Variants in CLTC observed in about 807,000 individuals in gnomAD.
CLTC encodes the protein clathrin heavy chain 1.
Under a neutral mutation model 195.8 loss-of-function variants are expected in CLTC, and 16 were observed. The observed-to-expected ratio is 0.08, with a 90% CI of 0.06 to 0.12. The LOEUF (loss-of-function observed/expected upper bound fraction) is 0.12. Among genes scored for constraint, CLTC ranks in the 10% least tolerant of loss-of-function variants. CLTC has a pLI of 1.00. For synonymous variants in CLTC, 667 were observed against 689.4 expected (o/e 0.97, Z 0.51); for missense variants, 796 against 2,027.0 (o/e 0.39, Z 11.66).
At chr17:59,651,406 T>A in intron 5 of CLTC, 90 bp downstream of exon 5, 1 of 866,608 alleles carries the variant, frequency 1.2e-6, no homozygotes, top group Non-Finnish European at 1.9e-6. Flanking sequence ...ATAATTTAAG[T>A]GATGCTTAAA....
intron 30 of CLTC, chr17:59,690,429 T>C (rs182011778): frequency 8.9e-6 from 4 of 447,630 alleles, no homozygotes; most frequent in African/African-American, 6.1e-5. Flanking sequence ...GAATCCCTCC[T>C]TCCTGAGGGT....
intron 1 of CLTC, 50 bp downstream of exon 1, chr17:59,620,223 G>C: frequency 6.2e-7 from 1 of 1,602,174 alleles, no homozygotes; most frequent in Non-Finnish European, 8.6e-7. Flanking sequence ...TGGTAGGAAG[G>C]ATGGAAGACG....
chr17:59,624,579 C>G (rs1044919452), intron 1 of CLTC, among the ~76,000 whole-genome samples: 1 of 149,628 alleles, frequency 6.7e-6, no homozygotes, highest in African/African-American at 2.5e-5. Context: ...AGTGATTCTC[C>G]TGCCTCAGCC....
intron 1 of CLTC, among the ~76,000 whole-genome samples, chr17:59,640,934 C>T (rs1211526309): frequency 1.3e-5 from 2 of 151,794 alleles, no homozygotes; most frequent in East Asian, 2.0e-4. Context: ...TTCTGGCCAA[C>T]GTGGTCAAAC....
At chr17:59,623,203 G>A (rs1360185987) in intron 1 of CLTC, among the ~76,000 whole-genome samples, 2 of 152,110 alleles carry the variant, frequency 1.3e-5, no homozygotes, top group Non-Finnish European at 2.9e-5. Flanking sequence ...ATAGATGCAG[G>A]CATGGAATGT....
chr17:59,691,539 G>T (rs960105864), intron 31 of CLTC, among the ~76,000 whole-genome samples: 2 of 151,446 alleles, frequency 1.3e-5, no homozygotes, highest in Non-Finnish European at 2.9e-5. Flanking sequence ...CAGGAGAATC[G>T]CTTGAACCCG....
chr17:59,652,005 A>T (rs1036245387), intron 5 of CLTC, among the ~76,000 whole-genome samples: 1 of 152,230 alleles, frequency 6.6e-6, no homozygotes, highest in African/African-American at 2.4e-5. Flanking sequence ...CTTTGTTGTC[A>T]TTCAGCAATG....
chr17:59,661,572 T>G lies in CLTC; in HGVS notation c.1297T>G (p.Leu433Val). ...DQGQLNKYESLELCRPVLQQG... is the reference protein window; with the variant it reads ...DQGQLNKYESVELCRPVLQQG... The stretch of plus-strand genomic sequence containing the variant: ...GGGACAGCTCAACAAATACGAATCC[T>G]TAGAGCTTTGTAGGCCTGTACTTCA... The change falls in exon 8 of 32, where the codon TTA becomes GTA. Residue 433 changes from leucine (L) to valine (V), a missense_variant. Leu to Val is a conservative substitution (Grantham distance 32). Transcript: ENST00000269122. 1 of 1,614,122 alleles carries G rather than the reference T, an allele frequency of 6.2e-7. No homozygotes were observed. The highest frequency in any genetic ancestry group is 8.5e-7 in the Non-Finnish European group (1 of 1,179,974).
intron 5 of CLTC, among the ~76,000 whole-genome samples, chr17:59,653,249 A>C (rs915347453): frequency 1.3e-5 from 2 of 151,022 alleles, no homozygotes; most frequent in Non-Finnish European, 2.9e-5. Context: ...GCTGGAGTGC[A>C]GTGGTGCGAT....
intron 1 of CLTC, among the ~76,000 whole-genome samples, chr17:59,625,467 T>A (rs2031522392): frequency 6.6e-6 from 1 of 152,060 alleles, no homozygotes; most frequent in African/African-American, 2.4e-5. Flanking sequence ...TCAGACCCTA[T>A]TTTCTTTGGA....
Position 59,681,479 on chromosome 17 carries a change from GTAAATCTTCAGAT to G in CLTC, c.3249+4_3249+16del. 1 of 1,613,804 alleles carries G rather than the reference GTAAATCTTCAGAT, an allele frequency of 6.2e-7. No homozygotes were observed. Among genetic ancestry groups the G allele is most frequent in the Non-Finnish European group, 8.5e-7 (1 of 1,179,828 alleles). On this transcript the variant is annotated splice_donor_variant and splice_donor_5th_base_variant and intron_variant, in intron 20 of 31. Coordinates refer to ENST00000269122, the MANE Select transcript of CLTC (RefSeq NM_004859.4). LOFTEE classifies it high-confidence loss of function. The surrounding 1 kb of genome is among the most constrained non-coding windows in gnomAD (Gnocchi z 5.0). ...TGATGTCAATACTTCAGCAGTTCAG[GTAAATCTTCAGAT>G]TACCTAAGTTGAATTACTAAACACT...
chr17:59,679,949 C>T (rs756530643), intron 18 of CLTC, among the ~76,000 whole-genome samples: 1 of 151,636 alleles, frequency 6.6e-6, no homozygotes, highest in Admixed American at 6.6e-5. Context: ...CCCAGCTACT[C>T]GGCAGGAAAA....
chr17:59,669,816 A>T (rs2032807997), intron 14 of CLTC, among the ~76,000 whole-genome samples: 1 of 152,094 alleles, frequency 6.6e-6, no homozygotes, highest in African/African-American at 2.4e-5. Flanking sequence ...TAAAACCAAA[A>T]TGTTTTTGTA....
chr17:59,690,583 C>T (rs1169483779), intron 30 of CLTC, 53 bp from the exon 31 acceptor site: 2 of 1,301,998 alleles, frequency 1.5e-6, no homozygotes, highest in African/African-American at 3.0e-5. Flanking sequence ...TGCCATAAAC[C>T]TAGGTTTATA....
rs2033423994 is a variant in CLTC, at chr17:59,696,346, T to TC, written c.*2496dup. 1 of 220,824 alleles carries TC rather than the reference T, an allele frequency of 4.5e-6. No individual in the cohort carries two copies. The highest frequency in any genetic ancestry group is 2.2e-5 in the African/African-American group (1 of 44,616). 13.7% of individuals were successfully genotyped at this position (220,824 alleles called of 1,614,324 possible). On this transcript the variant is annotated 3_prime_UTR_variant, in exon 32 of 32. Coordinates refer to ENST00000269122, the MANE Select transcript of CLTC (RefSeq NM_004859.4). Reference sequence around the variant, plus strand: ...GTCTTTAGTGTTCTGCCCACAATACTCCACCAATGACCTTAGACCTTGAGA... The same window carrying TC: ...GTCTTTAGTGTTCTGCCCACAATACTCCCACCAATGACCTTAGACCTTGAGA...
chr17:59,689,726 C>G (rs575424599), intron 30 of CLTC: 69 of 152,302 alleles, frequency 4.5e-4, no homozygotes, highest in African/African-American at 1.6e-3. Context: ...GTTGTAATGT[C>G]ACTTCTGTCT....
At position 59,681,319 on chromosome 17, in the gene CLTC, C is replaced by G. The variant is rs753435480; in HGVS notation, c.3090C>G (p.Leu1030=). ...EHRNLQNLLI[L]TAIKADRTRV... ...GGAATCTGCAAAACCTCCTTATCCT[C>G]ACTGCAATTAAGGCTGACCGTACAC... Residue 1030 remains leucine (L), a synonymous_variant, in exon 20 of 32, where the codon CTC becomes CTG. Coordinates refer to ENST00000269122, the MANE Select transcript of CLTC (RefSeq NM_004859.4). The surrounding 1 kb of genome is among the most constrained non-coding windows in gnomAD (Gnocchi z 5.0). 6.2e-7 allele frequency: 1 copy of G among 1,612,972 alleles called. No homozygotes were observed. The highest frequency in any genetic ancestry group is 8.5e-7 in the Non-Finnish European group (1 of 1,179,384).
At chr17:59,657,961 G>A (rs927916439) in intron 6 of CLTC, among the ~76,000 whole-genome samples, 5 of 151,874 alleles carry the variant, frequency 3.3e-5, no homozygotes, top group Non-Finnish European at 7.4e-5. Flanking sequence ...TACTTTGAGA[G>A]GCTGAGGTGG....
chr17:59,663,711 C>T, intron 8 of CLTC, 131 bp from the exon 9 acceptor site: 1 of 678,858 alleles, frequency 1.5e-6, no homozygotes, highest in Non-Finnish European at 2.4e-6. Context: ...ACAACCCCTG[C>T]ATATTTATAA....
Sources: gnomAD v4.1 joint callset for allele counts (sites outside exome capture counted in the v4.1 genomes callset) on GRCh38, gnomAD v4.1.1 for gene constraint, Gnocchi (gnomAD v3.1) non-coding constraint, MANE v1.5 for transcripts, NCBI Gene and HGNC (gene_info 2026-07-23, HGNC 2026-07-21) for gene names.